MGAT4C: variants seen among roughly 807,000 people sequenced by gnomAD.
The protein encoded by MGAT4C is alpha-1,3-mannosyl-glycoprotein 4-beta-N-acetylglucosaminyltransferase C.
A neutral mutation model predicts 40.1 loss-of-function variants in MGAT4C; 19 were observed. That is an observed-to-expected ratio of 0.47 (90% CI 0.33 to 0.70). The LOEUF (loss-of-function observed/expected upper bound fraction) is 0.70, where lower values mean the gene tolerates loss of function less well. Ranked by LOEUF, MGAT4C falls within the 30% of genes least tolerant of loss-of-function variation. The pLI, the probability that MGAT4C is intolerant of heterozygous loss-of-function variation, is 0.02. For synonymous variants in MGAT4C, 181 were observed against 187.1 expected, an observed-to-expected ratio of 0.97 and a Z score of 0.27; for missense variants, 491 against 563.2, an observed-to-expected ratio of 0.87 and a Z score of 1.30.
At chr12:86,570,042 G>T (rs1960299770) in intron 2 of MGAT4C, among the ~76,000 whole-genome samples, 1 of 152,088 alleles carries the variant, frequency 6.6e-6, no homozygotes, top group Admixed American at 6.6e-5. Flanking sequence ...ATTAGAAGTT[G>T]AGGGTGCAAG....
chr12:86,447,207 C>A (rs1361554352), intron 2 of MGAT4C, among the ~76,000 whole-genome samples: 2 of 152,126 alleles, frequency 1.3e-5, no homozygotes, highest in Non-Finnish European at 2.9e-5. Flanking sequence ...CTCACCGCAA[C>A]CTTTGCCTCC....
chr12:86,614,185 G>C lies in MGAT4C; in HGVS notation c.-229+113024C>G, dbSNP rs947553912. Among the ~76,000 whole-genome samples, 4 of 152,134 alleles carry C rather than the reference G, an allele frequency of 2.6e-5. No homozygotes were observed. The East Asian group carries it at 7.7e-4, about 29-fold the overall frequency. The stretch of plus-strand genomic sequence containing the variant: ...TATTAGAAGTCAGGCAATAACTTCT[G>C]GTTCTATCCAGTGTGTTTTTATGAT... On this transcript the variant is annotated intron_variant, in intron 2 of 7. Transcript: ENST00000548651.
chr12:86,383,443 T>C (rs987331423), intron 3 of MGAT4C, among the ~76,000 whole-genome samples: 2 of 148,738 alleles, frequency 1.3e-5, no homozygotes, highest in African/African-American at 5.0e-5. Context: ...TCCTAGCTAC[T>C]TGGGAGGCTG....
chr12:86,249,440 G>T (rs1312152227), intron 1 of MGAT4C, among the ~76,000 whole-genome samples: 1 of 152,152 alleles, frequency 6.6e-6, no homozygotes, highest in Non-Finnish European at 1.5e-5. Flanking sequence ...GTGTCAGACT[G>T]CTTTAAATGG....
intron 3 of MGAT4C, among the ~76,000 whole-genome samples, chr12:86,409,007 G>A (rs1956547882): frequency 1.3e-5 from 2 of 152,036 alleles, no homozygotes; most frequent in Admixed American, 6.6e-5. Context: ...CCCAGAGTGT[G>A]TGTTGGTTGG....
rs5799763 is a variant in MGAT4C at position 85,957,657 on chromosome 12, C to CAAAAAAAAAAAAAAAAAAAG, written c.*21631_*21632insCTTTTTTTTTTTTTTTTTTT. 7.9e-5 allele frequency: 8 copies of CAAAAAAAAAAAAAAAAAAAG among 101,306 alleles called. No homozygotes were observed. Among genetic ancestry groups the CAAAAAAAAAAAAAAAAAAAG allele is most frequent in the Non-Finnish European group, 1.5e-4 (8 of 52,742 alleles). 6.3% of individuals were successfully genotyped at this position (101,306 alleles called of 1,614,324 possible). A position where few individuals can be genotyped will look rare whatever the true frequency, so the allele number is the denominator to read the frequency against. On this transcript the variant is annotated 3_prime_UTR_variant, in exon 5 of 5. Transcript: ENST00000611864. ...TTTACTGTAGAGTTGAATAAGAAAGCAAAAAAAAAAAAAAAAGAAAAAAGA... is the reference window on the plus strand; with the variant it reads ...TTTACTGTAGAGTTGAATAAGAAAGCAAAAAAAAAAAAAAAAAAAGAAAAAAAAAAAAAAAAGAAAAAAGA...
intron 2 of MGAT4C, among the ~76,000 whole-genome samples, chr12:86,683,381 G>A (rs1412595926): frequency 6.6e-6 from 1 of 151,878 alleles, no homozygotes; most frequent in African/African-American, 2.4e-5. Context: ...CAAAACTTCT[G>A]AACTTTACAT....
At chr12:86,467,016 GT>G (rs1418729670) in intron 2 of MGAT4C, among the ~76,000 whole-genome samples, 5 of 152,046 alleles carry the variant, frequency 3.3e-5, no homozygotes, top group Non-Finnish European at 7.4e-5. Context: ...AGAAAATGAG[GT>G]TTTGCTATAG....
chr12:86,100,179 T>C (rs954102126), intron 1 of MGAT4C, among the ~76,000 whole-genome samples: 3 of 151,502 alleles, frequency 2.0e-5, no homozygotes, highest in Non-Finnish European at 4.4e-5. Context: ...ATTTTCTTAA[T>C]CAGAGAATTA....
At position 86,137,592 on chromosome 12, in the gene MGAT4C, T is replaced by G. The variant is rs190199670; in HGVS notation, c.-56-87869A>C. On this transcript the variant is annotated intron_variant, in intron 1 of 4. Transcript: ENST00000611864. ...TCTTATCAGTTCTTTACTCACCTTA[T>G]ACGCTCAAGAAAAGTATTTAACAAA... 1.6e-3 allele frequency among the ~76,000 whole-genome samples: 247 copies of G among 152,312 alleles called. 3 individuals are homozygous for G. The highest frequency in any genetic ancestry group is 2.2e-3 in the Non-Finnish European group (147 of 68,024).
At position 86,744,859 on chromosome 12, in the gene MGAT4C, T is replaced by A. The variant is rs541116548; in HGVS notation, c.-261-17618A>T. 7.9e-5 allele frequency among the ~76,000 whole-genome samples: 12 copies of A among 151,582 alleles called. 1 individual carries two copies. The Middle Eastern group carries it at 0.02, about 258-fold the overall frequency. On this transcript the variant is annotated intron_variant, in intron 1 of 7. Coordinates refer to the MGAT4C transcript ENST00000548651. ...CTCCACCACAGTATGAACAATTTTA[T>A]GACAAGGATCCAAACCCGACAATTA...
intron 4 of MGAT4C, among the ~76,000 whole-genome samples, chr12:86,315,449 T>C: frequency 6.6e-6 from 1 of 152,136 alleles, no homozygotes; most frequent in South Asian, 2.1e-4. Context: ...ACGCCTGTAA[T>C]GCCAGCACTT....
At chr12:86,200,743 C>T (rs968459067) in intron 1 of MGAT4C, among the ~76,000 whole-genome samples, 5 of 152,202 alleles carry the variant, frequency 3.3e-5, no homozygotes, top group Non-Finnish European at 5.9e-5. Context: ...CTGTGTCCCC[C>T]AATATCCATA....
chr12:86,230,840 CT>C (rs1951287574), intron 1 of MGAT4C, among the ~76,000 whole-genome samples: 1 of 150,772 alleles, frequency 6.6e-6, no homozygotes, highest in African/African-American at 2.4e-5. Flanking sequence ...GAAATTTGAC[CT>C]TTAACAGATG....
intron 2 of MGAT4C, among the ~76,000 whole-genome samples, chr12:86,651,634 A>T (rs10431400): frequency 0.96 from 145,116 of 151,896 alleles, 69,559 homozygotes; most frequent in Non-Finnish European, 1. Flanking sequence ...CCTAACATTG[A>T]AAACTTTTGA....
At chr12:86,611,467 T>TAGAC (rs764957574) in intron 2 of MGAT4C, among the ~76,000 whole-genome samples, 4 of 149,788 alleles carry the variant, frequency 2.7e-5, no homozygotes, top group East Asian at 2.0e-4. Flanking sequence ...GATAGATAGA[T>TAGAC]AGATAGATAG....
intron 1 of MGAT4C, among the ~76,000 whole-genome samples, chr12:86,087,095 C>T (rs1017518301): frequency 1.6e-4 from 24 of 152,082 alleles, no homozygotes; most frequent in Non-Finnish European, 3.1e-4. Context: ...AGGTTGATTC[C>T]ATATCTTGGC....
intron 2 of MGAT4C, among the ~76,000 whole-genome samples, chr12:86,705,545 T>C (rs1426269048): frequency 1.3e-5 from 2 of 151,960 alleles, no homozygotes; most frequent in Non-Finnish European, 2.9e-5. Flanking sequence ...AAAGAAAATA[T>C]TATGAAAAGC....
chr12:86,546,381 T>C (rs926018501), intron 2 of MGAT4C, among the ~76,000 whole-genome samples: 1 of 151,750 alleles, frequency 6.6e-6, no homozygotes, highest in Non-Finnish European at 1.5e-5. Flanking sequence ...ACATAGGATA[T>C]GGAAGAAAAA....
Sources: allele counts gnomAD v4.1 joint callset (sites outside exome capture counted in the v4.1 genomes callset), GRCh38; gene constraint gnomAD v4.1.1; transcripts MANE v1.5; gene names NCBI Gene and HGNC (gene_info 2026-07-23, HGNC 2026-07-21).